CTSE: variants seen among roughly 807,000 people sequenced by gnomAD.
CTSE encodes cathepsin E.
Under a neutral mutation model 42.8 loss-of-function variants are expected in CTSE, and 43 were observed. That is an observed-to-expected ratio of 1.01 (90% CI 0.79 to 1.30). CTSE has a LOEUF of 1.30. Ranked by LOEUF, CTSE falls within the 50% of genes most tolerant of loss-of-function variation. CTSE has a pLI of 0.00. For missense variants in CTSE, 532 were observed against 493.5 expected (o/e 1.08, Z -0.74); for synonymous variants, 205 against 191.5 (o/e 1.07, Z -0.58).
intron 6 of CTSE, among the ~76,000 whole-genome samples, 156 bp downstream of exon 6, chr1:206,013,616 T>C (rs1400147659): frequency 1.3e-5 from 2 of 152,038 alleles, no homozygotes; most frequent in African/African-American, 4.8e-5. Context: ...CAGAGGTCCC[T>C]TCCTGCACAC....
rs1553276678 is a variant in CTSE at position 206,010,011 on chromosome 1, G to A, written c.*172C>T. On this transcript the variant is annotated 3_prime_UTR_variant, in exon 9 of 9. Transcript: ENST00000358184. ...GTGTATGTGTGAAGTGTGTGTGTGT[G>A]TATATGTGTGTGTGTGTGTGTATTC... 1.1e-5 allele frequency: 7 copies of A among 644,826 alleles called. No individual in the cohort carries two copies. The highest frequency in any genetic ancestry group is 2.7e-5 in the East Asian group (1 of 36,516). The allele number at this position is 644,826 out of a possible 1,614,324, so 39.9% of individuals were successfully genotyped here.
At chr1:206,016,675 C>T (rs1661273812) in intron 4 of CTSE, among the ~76,000 whole-genome samples, 2 of 152,066 alleles carry the variant, frequency 1.3e-5, no homozygotes, top group Non-Finnish European at 2.9e-5. Flanking sequence ...TGACCTGGCA[C>T]TATTTAATAA....
Position 206,010,238 on chromosome 1 carries a change from T to C in CTSE, c.1136A>G (p.Tyr379Cys), listed in dbSNP as rs1661050265. Residue 379 changes from tyrosine to cysteine, a missense_variant, in exon 9 of 9, where the codon TAC becomes TGC. Tyr to Cys is a radical substitution (Grantham distance 194, BLOSUM62 -2). Coordinates refer to ENST00000358184, the MANE Select transcript of CTSE (RefSeq NM_001910.4). ...GTTATTCCCACGGTCAAAGACTGAG[T>C]AAAACTGTCGAATGAAGACATCCCC... ...ILGDVFIRQF[Y>C]SVFDRGNNRV... The C allele has an allele frequency of 6.2e-7, 1 of 1,613,582 alleles. No homozygotes were observed. Among genetic ancestry groups the C allele is most frequent in the Non-Finnish European group, 8.5e-7 (1 of 1,179,812 alleles).
intron 4 of CTSE, 70 bp downstream of exon 4, chr1:206,020,979 A>G: frequency 8.7e-7 from 1 of 1,155,358 alleles, no homozygotes. Flanking sequence ...GCAGATTTGA[A>G]ATGTAAGACC....
chr1:206,012,379 C>T lies in CTSE; in HGVS notation c.955G>A (p.Val319Ile), dbSNP rs534190981. ...EYAVECANLN[V>I]MPDVTFTING... The stretch of plus-strand genomic sequence containing the variant: ...ATGGTGAAGGTGACATCCGGCATGA[C>T]GTTAAGGTTGGCACACTCCACAGCA... Residue 319 changes from valine (V) to isoleucine (I), a missense_variant, in exon 8 of 9, where the codon GTC becomes ATC. Coordinates refer to ENST00000358184, the MANE Select transcript of CTSE (RefSeq NM_001910.4). 4.3e-6 allele frequency: 7 copies of T among 1,613,936 alleles called. No individual in the cohort carries two copies. The highest frequency in any genetic ancestry group is 3.3e-5 in the Admixed American group (2 of 60,008).
rs1571808082 is a variant in CTSE at position 206,011,237 on chromosome 1, A to G, written c.1027-890T>C. ...TCATGATCTTCTAAAATGATCTTCT[A>G]AAAGAACCACTCACCATACCGGGAA... is the stretch of plus-strand genomic sequence containing the variant. On this transcript the variant is annotated intron_variant, in intron 8 of 8. Coordinates refer to ENST00000358184, the MANE Select transcript of CTSE (RefSeq NM_001910.4). 2.6e-5 allele frequency among the ~76,000 whole-genome samples: 4 copies of G among 151,894 alleles called. No homozygotes were observed. The South Asian group carries it at 8.3e-4, about 32-fold the overall frequency.
At chr1:206,017,911 T>C (rs1558152994) in intron 4 of CTSE, among the ~76,000 whole-genome samples, 1 of 152,070 alleles carries the variant, frequency 6.6e-6, no homozygotes, top group Non-Finnish European at 1.5e-5. Flanking sequence ...ATTGACAGAG[T>C]TATTTCTTCC....
intron 8 of CTSE, 85 bp downstream of exon 8, chr1:206,012,223 G>A (rs2102266014): frequency 1.8e-6 from 2 of 1,136,000 alleles, no homozygotes; most frequent in Non-Finnish European, 2.6e-6. Flanking sequence ...GGTAAAGGCG[G>A]GCAAAGTGCA....
At chr1:206,010,992 A>G (rs1237866476) in intron 8 of CTSE, among the ~76,000 whole-genome samples, 3 of 151,990 alleles carry the variant, frequency 2.0e-5, no homozygotes, top group African/African-American at 7.2e-5. Flanking sequence ...GTGTGGGAAA[A>G]TTTGCAGAGG....
In CTSE at chr1:206,012,298, C is replaced by T. The variant is rs782262162; in HGVS notation, c.1026+10G>A. 1 of 1,608,694 alleles carries T rather than the reference C, an allele frequency of 6.2e-7. No individual in the cohort carries two copies. The highest frequency in any genetic ancestry group is 8.5e-7 in the Non-Finnish European group (1 of 1,175,444). On this transcript the variant is annotated intron_variant, in intron 8 of 8. Coordinates refer to ENST00000358184, the MANE Select transcript of CTSE (RefSeq NM_001910.4). ...CCCTGTGGCCTGCAGAATAAGGAAA[C>T]AGTTCTTACCAGTAGGGTGTAGGCA... is the stretch of plus-strand genomic sequence containing the variant.
chr1:206,022,657 C>T (rs1474067098), intron 2 of CTSE, among the ~76,000 whole-genome samples: 1 of 151,996 alleles, frequency 6.6e-6, no homozygotes, highest in Non-Finnish European at 1.5e-5. Flanking sequence ...CAGGGGCCTT[C>T]AGTGTGGGAT....
At chr1:206,021,763 C>A (rs1377489470) in intron 3 of CTSE, among the ~76,000 whole-genome samples, 1 of 151,998 alleles carries the variant, frequency 6.6e-6, no homozygotes, top group Admixed American at 6.5e-5. Flanking sequence ...CTCCTTGAAA[C>A]AAGCAGACTA....
At position 206,012,349 on chromosome 1, in the gene CTSE, C is replaced by T. The variant is rs560890490; in HGVS notation, c.985G>A (p.Gly329Arg). 1.4e-5 allele frequency: 23 copies of T among 1,613,924 alleles called. No homozygotes were observed. The East Asian group carries it at 1.6e-4, about 11-fold the overall frequency. ...VMPDVTFTIN[G>R]VPYTLSPTAY... is the part of the protein sequence containing the mutation. ...GTTGGGCTGAGGGTATAGGGGACTC[C>T]GTTAATGGTGAAGGTGACATCCGGC... The change falls in exon 8 of 9, where the codon GGA becomes AGA. Residue 329 changes from glycine to arginine, a missense_variant. By Grantham distance (125) the Gly-to-Arg change is moderately radical. Transcript: ENST00000358184.
At chr1:206,023,260 G>A (rs1661505039) in intron 1 of CTSE, among the ~76,000 whole-genome samples, 1 of 151,938 alleles carries the variant, frequency 6.6e-6, no homozygotes, top group Admixed American at 6.6e-5. Flanking sequence ...TAGAGTCTTA[G>A]AATCTTAGAG....
Position 206,023,887 on chromosome 1 carries a change from GC to G in CTSE, c.-97del. 1 of 1,235,364 alleles carries G rather than the reference GC, an allele frequency of 8.1e-7. No homozygotes were observed. The highest frequency in any genetic ancestry group is 1.2e-5 in the South Asian group (1 of 80,034). The allele number at this position is 1,235,364 out of a possible 1,614,324, so 76.5% of individuals were successfully genotyped here. On this transcript the variant is annotated 5_prime_UTR_variant, in exon 1 of 9. Coordinates refer to ENST00000358184, the MANE Select transcript of CTSE (RefSeq NM_001910.4). ...TTTCCCTAACTCTCAGACCTGCCCA[GC>G]CCAGTCTGAGGGCCGAATGATAAGG... is the stretch of plus-strand genomic sequence containing the variant.
rs1661235985 is a variant in CTSE, at chr1:206,015,492, A to G, written c.662+439T>C. On this transcript the variant is annotated intron_variant, in intron 5 of 8. Coordinates refer to ENST00000358184, the MANE Select transcript of CTSE (RefSeq NM_001910.4). Reference sequence around the variant, plus strand: ...TTCTTCCTTTTTAAGGCTGAATAATATTTGATTATTTGGATATGCCACATT... The same window carrying G: ...TTCTTCCTTTTTAAGGCTGAATAATGTTTGATTATTTGGATATGCCACATT... Among the ~76,000 whole-genome samples, 5 of 152,226 alleles carry G rather than the reference A, an allele frequency of 3.3e-5. No individual in the cohort carries two copies. In the South Asian group the frequency reaches 1.0e-3, roughly 32 times the overall value.
chr1:206,021,084 T>A lies in CTSE; in HGVS notation c.427A>T (p.Ser143Cys). 1 of 1,613,438 alleles carries A rather than the reference T, an allele frequency of 6.2e-7. No homozygotes were observed. ...QSFSIQYGTG[S>C]LSGIIGADQV... The stretch of plus-strand genomic sequence containing the variant: ...TCGGCTCCAATGATCCCGGACAAGC[T>A]CCCGGTTCCATACTGAATGGAGAAA... The change falls in exon 4 of 9, where the codon AGC becomes TGC. Residue 143 changes from serine (S) to cysteine (C), a missense_variant. By Grantham distance (112) the Ser-to-Cys change is moderately radical. Coordinates refer to ENST00000358184, the MANE Select transcript of CTSE (RefSeq NM_001910.4).
chr1:206,022,050 CA>C lies in CTSE; in HGVS notation c.343+99del, dbSNP rs1356006384. ...TGGAAGCTGGTGTGGCAGGGATGGC[CA>C]GTTTCTGGAACCTAAGCCCCCCTTC... On this transcript the variant is annotated intron_variant, in intron 3 of 8. Coordinates refer to ENST00000358184, the MANE Select transcript of CTSE (RefSeq NM_001910.4). 4 of 733,918 alleles carry C rather than the reference CA, an allele frequency of 5.5e-6. No individual in the cohort carries two copies. The East Asian group carries it at 8.3e-5, about 15-fold the overall frequency. The allele number at this position is 733,918 out of a possible 1,614,324, so 45.5% of individuals were successfully genotyped here.
chr1:206,012,229 G>A (rs1661120546), intron 8 of CTSE, 79 bp downstream of exon 8: 2 of 1,203,078 alleles, frequency 1.7e-6, no homozygotes, highest in Admixed American at 1.9e-5. Flanking sequence ...GGCGGGCAAA[G>A]TGCAGGCGAT....
Sources: gnomAD v4.1 joint callset for allele counts (sites outside exome capture counted in the v4.1 genomes callset) on GRCh38, gnomAD v4.1.1 for gene constraint, MANE v1.5 for transcripts, NCBI Gene and HGNC (gene_info 2026-07-23, HGNC 2026-07-21) for gene names.